Variants in RALGAPB observed in about 807,000 individuals in gnomAD.
RALGAPB encodes Ral GTPase activating protein non-catalytic subunit beta.
In RALGAPB, 25 loss-of-function variants were observed where a neutral mutation model predicts 161.1. That is an observed-to-expected ratio of 0.16 (90% CI 0.11 to 0.22). The LOEUF is 0.22. RALGAPB is among the 10% of genes least tolerant of loss of function. The pLI is 1.00. For missense variants in RALGAPB, 1,391 were observed against 1,815.2 expected (o/e 0.77, Z 4.25); for synonymous variants, 629 against 626.1 (o/e 1.00, Z -0.07).
chr20:38,508,953 A>G (rs2085851675), intron 5 of RALGAPB, 124 bp from the exon 6 acceptor site: 4 of 1,082,662 alleles, frequency 3.7e-6, no homozygotes, highest in Non-Finnish European at 4.0e-6. Flanking sequence ...GAGGGTTTCC[A>G]TATGTCTTGT....
Position 38,574,837 on chromosome 20 carries a change from A to G in RALGAPB, c.4355A>G (p.Tyr1452Cys). ...AGAAAGAGACTGGAAAGTGACTCCT[A>G]CAGTCCCCCCCATGTCCGCCGGAAA... is the stretch of plus-strand genomic sequence containing the variant. The part of the protein sequence containing the change: ...CRRKRLESDS[Y>C]SPPHVRRKQK... Residue 1452 changes from tyrosine (Y) to cysteine (C), a missense_variant, in exon 30 of 30, where the codon TAC (tyrosine) becomes TGC (cysteine). Coordinates refer to ENST00000262879, the MANE Select transcript of RALGAPB (RefSeq NM_020336.4). 1.2e-6 allele frequency: 2 copies of G among 1,613,910 alleles called. No homozygotes were observed. Among genetic ancestry groups the G allele is most frequent in the Non-Finnish European group, 1.7e-6 (2 of 1,179,784 alleles).
At chr20:38,574,540 T>A (rs2088363993) in intron 29 of RALGAPB, among the ~76,000 whole-genome samples, 1 of 152,200 alleles carries the variant, frequency 6.6e-6, no homozygotes, top group Non-Finnish European at 1.5e-5. Context: ...CTGTTTGTAA[T>A]CCAGGACAGA....
chr20:38,474,516 C>T (rs968771225), intron 1 of RALGAPB, among the ~76,000 whole-genome samples: 1 of 152,032 alleles, frequency 6.6e-6, no homozygotes, highest in Non-Finnish European at 1.5e-5. Context: ...TGGGCTGAAG[C>T]AGTCCACCCA....
At chr20:38,571,269 A>T (rs1426267866) in intron 28 of RALGAPB, among the ~76,000 whole-genome samples, 3 of 152,314 alleles carry the variant, frequency 2.0e-5, no homozygotes, top group East Asian at 3.9e-4. Flanking sequence ...ATTTTTAAGT[A>T]TACAATACTG....
At chr20:38,489,548 G>T (rs1448960807) in intron 2 of RALGAPB, among the ~76,000 whole-genome samples, 3 of 152,280 alleles carry the variant, frequency 2.0e-5, no homozygotes, top group Non-Finnish European at 4.4e-5. Context: ...AGAGGAGCTT[G>T]CTAGTATAAA....
chr20:38,526,063 T>G, intron 13 of RALGAPB, 21 bp downstream of exon 13: 1 of 1,612,954 alleles, frequency 6.2e-7, no homozygotes, highest in Non-Finnish European at 8.5e-7. Context: ...ACACGTTATT[T>G]TGTAAGTGAA....
intron 26 of RALGAPB, 65 bp downstream of exon 26, chr20:38,567,297 G>T: frequency 6.4e-7 from 1 of 1,554,034 alleles, no homozygotes; most frequent in Admixed American, 2.0e-5. Context: ...ATAGAATCCT[G>T]CCTGAAAAGC....
In RALGAPB at chr20:38,575,154, C is replaced by T; in HGVS notation, c.*187C>T. 1.7e-6 allele frequency: 1 copy of T among 578,380 alleles called. No individual in the cohort carries two copies. The highest frequency in any genetic ancestry group is 3.0e-6 in the Non-Finnish European group (1 of 328,820). The allele number at this position is 578,380 out of a possible 1,614,324, so 35.8% of individuals were successfully genotyped here. On this transcript the variant is annotated 3_prime_UTR_variant, in exon 30 of 30. Coordinates refer to ENST00000262879, the MANE Select transcript of RALGAPB (RefSeq NM_020336.4). ...ACTTTGGGCTATCTAGTGAAATGGG[C>T]TCCCAGACACAATCACACTCCTGCT...
chr20:38,569,848 G>A (rs748092537), intron 26 of RALGAPB, 40 bp from the exon 27 acceptor site: 2 of 1,530,440 alleles, frequency 1.3e-6, no homozygotes, highest in African/African-American at 1.4e-5. Context: ...TTTTGTTGCT[G>A]TTGTTTTTCC....
At position 38,541,157 on chromosome 20, in the gene RALGAPB, G is replaced by A; in HGVS notation, c.2679G>A (p.Met893Ile). ...KGDKEPNPAS[M>I]RVKDAAEATL... ...ATAAGGAGCCAAACCCTGCATCTAT[G>A]AGGGTAAAGGATGCTGCTGAAGCCA... Residue 893 changes from methionine to isoleucine, a missense_variant, in exon 18 of 30, where the codon ATG becomes ATA. By Grantham distance (10) the Met-to-Ile change is conservative. Around this residue, in one of 3 missense-constraint regions of RALGAPB, gnomAD observed 946 missense variants for 1,257.2 expected, o/e 0.75. Coordinates refer to ENST00000262879, the MANE Select transcript of RALGAPB (RefSeq NM_020336.4). 6.2e-7 allele frequency: 1 copy of A among 1,614,130 alleles called. No individual in the cohort carries two copies. Among genetic ancestry groups the A allele is most frequent in the Non-Finnish European group, 8.5e-7 (1 of 1,179,988 alleles).
chr20:38,561,477 C>T (rs1222030894), intron 23 of RALGAPB, among the ~76,000 whole-genome samples: 1 of 152,170 alleles, frequency 6.6e-6, no homozygotes, highest in Non-Finnish European at 1.5e-5. Flanking sequence ...GTATGAATGA[C>T]ATCAGTGATT....
chr20:38,533,341 T>TTATTTTC (rs2086712885), intron 15 of RALGAPB, among the ~76,000 whole-genome samples: 1 of 152,180 alleles, frequency 6.6e-6, no homozygotes, highest in South Asian at 2.1e-4. Flanking sequence ...TGAAACATTT[T>TTATTTTC]TATTTTCTGC....
chr20:38,529,315 C>T (rs1046420459), intron 13 of RALGAPB, among the ~76,000 whole-genome samples: 1 of 151,938 alleles, frequency 6.6e-6, no homozygotes, highest in African/African-American at 2.4e-5. Context: ...GGGTGACTCA[C>T]GAGACCACCC....
intron 26 of RALGAPB, among the ~76,000 whole-genome samples, chr20:38,568,214 A>G (rs752066606): frequency 2.0e-5 from 3 of 152,120 alleles, no homozygotes; most frequent in African/African-American, 7.2e-5. Flanking sequence ...TTTCTCACTT[A>G]TACTGTACTT....
chr20:38,573,242 TG>T lies in RALGAPB; in HGVS notation c.4143-907del, dbSNP rs1287153804. On this transcript the variant is annotated intron_variant, in intron 28 of 29. Coordinates refer to ENST00000262879, the MANE Select transcript of RALGAPB (RefSeq NM_020336.4). Reference sequence around the variant, plus strand: ...GTTGTAATACAATTTGACAGTAAAATGTATATTTTATTGGTAGATTAGCAAA... The same window carrying T: ...GTTGTAATACAATTTGACAGTAAAATTATATTTTATTGGTAGATTAGCAAA... Among the ~76,000 whole-genome samples the T allele has an allele frequency of 2.6e-5, 4 of 152,194 alleles. No individual in the cohort carries two copies. In the East Asian group the frequency reaches 7.7e-4, roughly 29 times the overall value.
intron 1 of RALGAPB, among the ~76,000 whole-genome samples, chr20:38,477,393 A>G (rs368279465): frequency 6.6e-6 from 1 of 152,190 alleles, no homozygotes; most frequent in East Asian, 1.9e-4. Context: ...TTCTTTGGGT[A>G]GCTTACCAAA....
chr20:38,476,890 G>T (rs1325454853), intron 1 of RALGAPB, among the ~76,000 whole-genome samples: 1 of 152,144 alleles, frequency 6.6e-6, no homozygotes, highest in Non-Finnish European at 1.5e-5. Flanking sequence ...TCAGAGTACG[G>T]TTTTTACTGA....
In RALGAPB at chr20:38,525,425, C is replaced by G. The variant is rs1378121747; in HGVS notation, c.1809C>G (p.Ser603Arg). 1 of 1,594,016 alleles carries G rather than the reference C, an allele frequency of 6.3e-7. No homozygotes were observed. Among genetic ancestry groups the G allele is most frequent in the Non-Finnish European group, 8.5e-7 (1 of 1,173,742 alleles). ...GCAGAGAACTCTCAAAATTCAAAAG[C>G]TATGTAAATCCAACAGAATTGCGAA... is the stretch of plus-strand genomic sequence containing the variant. ...LPDRELSKFK[S>R]YVNPTELRRS... is the part of the protein sequence containing the mutation. The change falls in exon 12 of 30, where the codon AGC becomes AGG. Residue 603 changes from serine (S) to arginine (R), a missense_variant. Ser to Arg is a moderately radical substitution (Grantham distance 110). Transcript: ENST00000262879.
At chr20:38,550,311 TA>T (rs975024925) in intron 20 of RALGAPB, among the ~76,000 whole-genome samples, 9 of 152,224 alleles carry the variant, frequency 5.9e-5, no homozygotes, top group Middle Eastern at 3.4e-3. Context: ...AAAATGTGAT[TA>T]AAAAAAATTT....
Sources: gnomAD v4.1 joint callset for allele counts (sites outside exome capture counted in the v4.1 genomes callset) on GRCh38, gnomAD v4.1.1 for gene constraint, gnomAD v4.1.1 regional missense constraint, MANE v1.5 for transcripts, NCBI Gene and HGNC (gene_info 2026-07-23, HGNC 2026-07-21) for gene names.